RIPK1: variants seen among roughly 807,000 people sequenced by gnomAD.
RIPK1 encodes receptor interacting serine/threonine kinase 1.
Under a neutral mutation model 62.4 loss-of-function variants are expected in RIPK1, and 27 were observed. That is an observed-to-expected ratio of 0.43 (90% CI 0.32 to 0.60). The LOEUF is 0.60. RIPK1 is among the 20% of genes least tolerant of loss of function. RIPK1 has a pLI of 0.07. For synonymous variants in RIPK1, 287 were observed against 303.2 expected (o/e 0.95, Z 0.55); for missense variants, 735 against 831.0 (o/e 0.88, Z 1.42).
intron 10 of RIPK1, among the ~76,000 whole-genome samples, 185 bp downstream of exon 10, chr6:3,111,140 A>G (rs937164452): frequency 1.3e-5 from 2 of 152,082 alleles, no homozygotes; most frequent in African/African-American, 4.8e-5. Context: ...TAATATGGAG[A>G]TAATCACAGT....
chr6:3,099,596 T>C (rs1205575158), intron 7 of RIPK1, among the ~76,000 whole-genome samples: 2 of 151,910 alleles, frequency 1.3e-5, no homozygotes, highest in Admixed American at 6.6e-5. Context: ...ACAAAGAACA[T>C]AGACAATTCA....
chr6:3,081,243 G>A, intron 4 of RIPK1, 127 bp downstream of exon 4: 2 of 1,042,544 alleles, frequency 1.9e-6, no homozygotes, highest in South Asian at 1.6e-5. Flanking sequence ...TGTTGATGAT[G>A]GTGCCGAAAG....
Position 3,113,865 on chromosome 6 carries a change from A to G in RIPK1, c.*526A>G, listed in dbSNP as rs1232212974. The G allele has an allele frequency of 6.5e-6, 1 of 152,942 alleles. No homozygotes were observed. The highest frequency in any genetic ancestry group is 1.5e-5 in the Non-Finnish European group (1 of 68,524). 9.5% of individuals were successfully genotyped at this position (152,942 alleles called of 1,614,324 possible). A position where few individuals can be genotyped will look rare whatever the true frequency, so the allele number is the denominator to read the frequency against. The stretch of plus-strand genomic sequence containing the variant: ...TCACGTAGGCTCCTGTTAAAAACAA[A>G]GTGCAGTCAGATTCTAAGCCCTGTT... On this transcript the variant is annotated 3_prime_UTR_variant, in exon 11 of 11. Transcript: ENST00000259808. This position sits in a 1 kb window ranked among gnomAD's most constrained non-coding sequence, Gnocchi z 5.0.
chr6:3,110,776 C>T, intron 9 of RIPK1, 27 bp from the exon 10 acceptor site: 1 of 1,461,446 alleles, frequency 6.8e-7, no homozygotes, highest in Non-Finnish European at 9.4e-7. Flanking sequence ...TCTAGAATTA[C>T]TTACCTGTGT....
intron 7 of RIPK1, among the ~76,000 whole-genome samples, chr6:3,097,389 G>A (rs1760371626): frequency 1.3e-5 from 2 of 152,198 alleles, no homozygotes; most frequent in Admixed American, 6.5e-5. Context: ...TGGTATTGGT[G>A]TAGGTTGGAC....
At chr6:3,084,224 G>T (rs965290349) in intron 5 of RIPK1, among the ~76,000 whole-genome samples, 2 of 152,110 alleles carry the variant, frequency 1.3e-5, no homozygotes, top group Non-Finnish European at 2.9e-5. Context: ...CAAAATGGTC[G>T]TCCTAAAAGG....
chr6:3,086,622 G>C (rs9378764), intron 6 of RIPK1, among the ~76,000 whole-genome samples: 108,185 of 152,208 alleles, frequency 0.71, 45,226 homozygotes, highest in Non-Finnish European at 0.93. Context: ...CCAAATGGAA[G>C]AGATGTACAA....
At chr6:3,107,562 CAAAAA>C (rs60843872) in intron 9 of RIPK1, among the ~76,000 whole-genome samples, 3 of 46,316 alleles carry the variant, frequency 6.5e-5, no homozygotes, top group African/African-American at 6.5e-5. Context: ...GAGACTGTCG[CAAAAA>C]AAAAAAAAAA....
At chr6:3,084,203 C>T (rs1759570599) in intron 5 of RIPK1, among the ~76,000 whole-genome samples, 1 of 152,216 alleles carries the variant, frequency 6.6e-6, no homozygotes, top group Admixed American at 6.5e-5. Flanking sequence ...GTCCACCATT[C>T]ATGTGGCAGC....
chr6:3,068,063 T>G, upstream of RIPK1: 1 of 294,728 alleles, frequency 3.4e-6, no homozygotes, highest in Non-Finnish European at 5.0e-6. Flanking sequence ...TATAATTTTA[T>G]TATTTGATTT....
In RIPK1 at chr6:3,068,590, G is replaced by A; in HGVS notation, c.-132G>A. 2 of 985,340 alleles carry A rather than the reference G, an allele frequency of 2.0e-6. No homozygotes were observed. Among genetic ancestry groups the A allele is most frequent in the Non-Finnish European group, 2.4e-6 (2 of 829,948 alleles). 61.0% of individuals were successfully genotyped at this position (985,340 alleles called of 1,614,324 possible). ...GGACCCACAGCTGGGGCGCCAGAGC[G>A]CGGCCATCCGGGCGGGGCCGACGGA... On this transcript the variant is annotated 5_prime_UTR_variant, in exon 1 of 11. Transcript: ENST00000259808.
intron 6 of RIPK1, among the ~76,000 whole-genome samples, chr6:3,087,618 C>T (rs1759777620): frequency 6.6e-6 from 1 of 151,416 alleles, no homozygotes; most frequent in Admixed American, 6.6e-5. Flanking sequence ...TGCAGTGGCG[C>T]AAGCTCTGCC....
intron 9 of RIPK1, among the ~76,000 whole-genome samples, chr6:3,108,525 T>G (rs571115916): frequency 6.6e-6 from 1 of 152,140 alleles, no homozygotes; most frequent in African/African-American, 2.4e-5. Flanking sequence ...AGACTGTGAG[T>G]GACGAACACG....
intron 1 of RIPK1, among the ~76,000 whole-genome samples, chr6:3,071,496 C>G (rs951649657): frequency 1.3e-5 from 2 of 152,164 alleles, no homozygotes; most frequent in Admixed American, 6.5e-5. Flanking sequence ...CTTTGTCACT[C>G]TGTGTCATGG....
chr6:3,094,303 CAAAT>C (rs971680695), intron 7 of RIPK1, among the ~76,000 whole-genome samples: 2 of 152,098 alleles, frequency 1.3e-5, no homozygotes, highest in African/African-American at 4.8e-5. Flanking sequence ...GCTGGGAAAT[CAAAT>C]AAGTCTCAAT....
Position 3,072,155 on chromosome 6 carries a change from T to C in RIPK1, c.-61+3494T>C, listed in dbSNP as rs1758749052. On this transcript the variant is annotated intron_variant, in intron 1 of 10. Transcript: ENST00000259808. The surrounding 1 kb of genome is among the most constrained non-coding windows in gnomAD (Gnocchi z 5.6). ...GGAACAGCTTTGCACATAATCTTTA[T>C]CAGCATCTCTGATTTGATCCCTCAG... Among the ~76,000 whole-genome samples, 1 of 152,220 alleles carries C rather than the reference T, an allele frequency of 6.6e-6. No homozygotes were observed. The highest frequency in any genetic ancestry group is 2.4e-5 in the African/African-American group (1 of 41,450).
intron 9 of RIPK1, among the ~76,000 whole-genome samples, chr6:3,106,735 T>TC (rs1010674130): frequency 6.6e-6 from 1 of 152,210 alleles, no homozygotes; most frequent in African/African-American, 2.4e-5. Context: ...GGCCAAATTC[T>TC]CCAAAAACGT....
At chr6:3,080,799 G>GCC (rs3830793) in intron 3 of RIPK1, among the ~76,000 whole-genome samples, 180 bp from the exon 4 acceptor site, 18 of 147,228 alleles carry the variant, frequency 1.2e-4, no homozygotes, top group East Asian at 8.0e-4. Flanking sequence ...AATACCCTCT[G>GCC]CCCCCCCCCG....
rs775812209 is a variant in RIPK1, at chr6:3,105,953, T to A, written c.1478T>A (p.Ile493Asn). 29 of 1,614,138 alleles carry A rather than the reference T, an allele frequency of 1.8e-5. No homozygotes were observed. The highest frequency in any genetic ancestry group is 2.3e-5 in the Non-Finnish European group (27 of 1,180,002). ...GGTCCCAGAGTTTGGTACAGGCCAA[T>A]TCCAAGTCATATGCCTAGTCTGCAT... Reference protein sequence around the residue: ...TAGPRVWYRPIPSHMPSLHNI... With the variant: ...TAGPRVWYRPNPSHMPSLHNI... Residue 493 changes from isoleucine (I) to asparagine (N), a missense_variant, in exon 9 of 11, where the codon ATT becomes AAT. By Grantham distance (149) the Ile-to-Asn change is moderately radical (BLOSUM62 -3). Around this residue, in one of 2 missense-constraint regions of RIPK1, gnomAD observed 671 missense variants for 726.2 expected, o/e 0.92. Transcript: ENST00000259808. This position sits in a 1 kb window ranked among gnomAD's most constrained non-coding sequence, Gnocchi z 4.5.
Sources: gnomAD v4.1 joint callset for allele counts (sites outside exome capture counted in the v4.1 genomes callset) on GRCh38, gnomAD v4.1.1 for gene constraint, gnomAD v4.1.1 regional missense constraint, Gnocchi (gnomAD v3.1) non-coding constraint, MANE v1.5 for transcripts, NCBI Gene and HGNC (gene_info 2026-07-23, HGNC 2026-07-21) for gene names.